SGCZ: variants seen among roughly 807,000 people sequenced by gnomAD.
SGCZ encodes the protein sarcoglycan zeta, also known as zeta-sarcoglycan.
In SGCZ, 40 loss-of-function variants were observed where a neutral mutation model predicts 41.3. The observed-to-expected ratio is 0.97, with a 90% confidence interval of 0.75 to 1.26. The LOEUF (loss-of-function observed/expected upper bound fraction) is 1.26. SGCZ is among the 50% of genes most tolerant of loss of function. The probability of loss-of-function intolerance (pLI) is 0.00; values close to 1 mark genes in which losing one functional copy is unlikely to be tolerated. For synonymous variants in SGCZ, 206 were observed against 137.5 expected, an observed-to-expected ratio of 1.50 and a Z score of -3.49; for missense variants, 552 against 369.8, an observed-to-expected ratio of 1.49 and a Z score of -4.04.
intron 2 of SGCZ, among the ~76,000 whole-genome samples, chr8:14,394,196 G>C (rs1563300730): frequency 6.8e-6 from 1 of 146,258 alleles, no homozygotes; most frequent in Admixed American, 7.1e-5. Flanking sequence ...TGTTGCCCAG[G>C]CTGGAGTGCA....
At chr8:15,018,461 T>C (rs1301418859) in intron 1 of SGCZ, among the ~76,000 whole-genome samples, 1 of 152,144 alleles carries the variant, frequency 6.6e-6, no homozygotes, top group African/African-American at 2.4e-5. Context: ...AGGAAATGCC[T>C]CTCTGAGGAG....
chr8:14,961,560 CTCTT>C (rs1254996624), intron 1 of SGCZ, among the ~76,000 whole-genome samples: 3 of 152,046 alleles, frequency 2.0e-5, no homozygotes, highest in African/African-American at 4.8e-5. Flanking sequence ...TTTTGTTAAA[CTCTT>C]ACTTACCTAA....
At chr8:14,987,684 T>C (rs1284989640) in intron 1 of SGCZ, among the ~76,000 whole-genome samples, 3 of 152,032 alleles carry the variant, frequency 2.0e-5, no homozygotes, top group Non-Finnish European at 4.4e-5. Context: ...GCATCTTTAC[T>C]GGAAGAAACT....
intron 2 of SGCZ, among the ~76,000 whole-genome samples, chr8:14,350,991 G>T (rs1803069540): frequency 6.6e-6 from 1 of 152,094 alleles, no homozygotes; most frequent in African/African-American, 2.4e-5. Flanking sequence ...TCATGTCTAT[G>T]CATGCGTAGG....
chr8:14,115,956 A>G (rs10109252), intron 5 of SGCZ, among the ~76,000 whole-genome samples: 34,484 of 151,952 alleles, frequency 0.23, 4,142 homozygotes, highest in Admixed American at 0.28. Context: ...TTCCACTGGC[A>G]GGTCATACCG....
At chr8:14,875,448 A>G (rs187851379) in intron 1 of SGCZ, among the ~76,000 whole-genome samples, 3 of 152,248 alleles carry the variant, frequency 2.0e-5, no homozygotes, top group East Asian at 3.9e-4. Flanking sequence ...TGGGAGGGAG[A>G]CTATTTATTC....
At chr8:14,542,907 T>A (rs940706498) in intron 2 of SGCZ, among the ~76,000 whole-genome samples, 4 of 152,016 alleles carry the variant, frequency 2.6e-5, no homozygotes, top group South Asian at 2.1e-4. Context: ...ACCTTTTTTT[T>A]AACAAATGAA....
intron 2 of SGCZ, among the ~76,000 whole-genome samples, chr8:14,460,122 T>C (rs1800860294): frequency 6.6e-6 from 1 of 152,222 alleles, no homozygotes; most frequent in Non-Finnish European, 1.5e-5. Flanking sequence ...CTGCTACCAT[T>C]AGGAGCAGCT....
intron 4 of SGCZ, among the ~76,000 whole-genome samples, chr8:14,183,477 G>C (rs7017724): frequency 0.99 from 151,470 of 152,306 alleles, 75,323 homozygotes; most frequent in East Asian, 1. Flanking sequence ...TAATTTTGCT[G>C]ATAAAATAAA....
intron 4 of SGCZ, among the ~76,000 whole-genome samples, chr8:14,207,374 AG>A (rs1805650866): frequency 6.6e-6 from 1 of 152,220 alleles, no homozygotes; most frequent in Admixed American, 6.5e-5. Context: ...ATGACAGAGT[AG>A]CATTAAGATT....
intron 1 of SGCZ, among the ~76,000 whole-genome samples, chr8:15,013,015 G>A (rs937294065): frequency 2.0e-5 from 3 of 151,974 alleles, no homozygotes; most frequent in African/African-American, 7.2e-5. Context: ...ATGGTGTCTG[G>A]TGCCAACTTC....
chr8:15,105,347 T>C (rs979194622), intron 1 of SGCZ, among the ~76,000 whole-genome samples: 1 of 152,116 alleles, frequency 6.6e-6, no homozygotes, highest in Non-Finnish European at 1.5e-5. Flanking sequence ...AAGAACTACA[T>C]GAGACTGGGT....
intron 1 of SGCZ, among the ~76,000 whole-genome samples, chr8:14,906,320 T>C (rs1799119810): frequency 6.6e-6 from 1 of 152,140 alleles, no homozygotes; most frequent in African/African-American, 2.4e-5. Context: ...GAAATGTTAC[T>C]TCTTGAATAC....
chr8:14,224,912 A>G (rs1806321676), intron 4 of SGCZ, among the ~76,000 whole-genome samples: 1 of 152,188 alleles, frequency 6.6e-6, no homozygotes, highest in Non-Finnish European at 1.5e-5. Flanking sequence ...CTCTACATAA[A>G]GAAATTACTT....
intron 1 of SGCZ, among the ~76,000 whole-genome samples, chr8:14,711,817 C>T (rs565616070): frequency 6.6e-6 from 1 of 152,234 alleles, no homozygotes; most frequent in South Asian, 2.1e-4. Context: ...GACAAAGAAA[C>T]TAGACATTCA....
intron 2 of SGCZ, among the ~76,000 whole-genome samples, chr8:14,467,326 T>G (rs183011160): frequency 2.0e-5 from 3 of 151,912 alleles, no homozygotes; most frequent in Admixed American, 1.3e-4. Flanking sequence ...CTTCAGCTAG[T>G]GGGGAAGAGC....
chr8:14,220,422 G>A (rs1417573486), intron 4 of SGCZ, among the ~76,000 whole-genome samples: 2 of 152,164 alleles, frequency 1.3e-5, no homozygotes, highest in East Asian at 3.8e-4. Context: ...AGTAGTAACT[G>A]AGAGAAAGCA....
At chr8:14,411,546 G>C (rs1018414898) in intron 2 of SGCZ, among the ~76,000 whole-genome samples, 1 of 151,972 alleles carries the variant, frequency 6.6e-6, no homozygotes, top group African/African-American at 2.4e-5. Context: ...AGTTCAAGCT[G>C]ACATAGAGAA....
At chr8:14,914,203 T>A (rs1489410389) in intron 1 of SGCZ, among the ~76,000 whole-genome samples, 1 of 150,408 alleles carries the variant, frequency 6.6e-6, no homozygotes, top group Non-Finnish European at 1.5e-5. Context: ...TACACAAACA[T>A]CATTTTATAT....
Sources: allele counts gnomAD v4.1 joint callset (sites outside exome capture counted in the v4.1 genomes callset), GRCh38; gene constraint gnomAD v4.1.1; transcripts MANE v1.5; gene names NCBI Gene and HGNC (gene_info 2026-07-23, HGNC 2026-07-21).